The following FRMD3 variants were observed in gnomAD, a reference collection of about 807,000 sequenced individuals.
FRMD3 encodes the protein FERM domain-containing protein 3.
In FRMD3, 33 loss-of-function variants were observed where a neutral mutation model predicts 70.2. The ratio of observed to expected loss-of-function variants is 0.47; its 90% CI spans 0.36 to 0.63. The LOEUF (loss-of-function observed/expected upper bound fraction) is 0.63. Among genes scored for constraint, FRMD3 ranks in the 20% least tolerant of loss-of-function variants. The pLI, the probability that FRMD3 is intolerant of heterozygous loss-of-function variation, is 0.00. For synonymous variants in FRMD3, 279 were observed against 255.9 expected, an observed-to-expected ratio of 1.09 and a Z score of -0.86; for missense variants, 632 against 711.4, an observed-to-expected ratio of 0.89 and a Z score of 1.27.
chr9:83,389,122 A>G (rs139786989), intron 2 of FRMD3, among the ~76,000 whole-genome samples: 3,175 of 151,684 alleles, frequency 0.021, 115 homozygotes, highest in African/African-American at 0.073. Flanking sequence ...TAATTTTTGT[A>G]TTTTTTGTAG....
At chr9:83,453,711 A>AT (rs59376142) in intron 1 of FRMD3, among the ~76,000 whole-genome samples, 2,348 of 115,098 alleles carry the variant, frequency 0.02, 49 homozygotes, top group Admixed American at 0.047. Context: ...GTTTGTTTTA[A>AT]TTTTTTTTTT....
chr9:83,513,242 A>T (rs1054740357), intron 1 of FRMD3, among the ~76,000 whole-genome samples: 1 of 152,212 alleles, frequency 6.6e-6, no homozygotes, highest in Non-Finnish European at 1.5e-5. Flanking sequence ...ACCTCAGTGG[A>T]GTTAGTATTA....
At chr9:83,423,968 C>T (rs1284223049) in intron 1 of FRMD3, among the ~76,000 whole-genome samples, 1 of 152,178 alleles carries the variant, frequency 6.6e-6, no homozygotes, top group African/African-American at 2.4e-5. Context: ...AAATACAGAA[C>T]ATCTCTATCA....
At chr9:83,384,434 G>A (rs1825452909) in intron 2 of FRMD3, among the ~76,000 whole-genome samples, 1 of 152,150 alleles carries the variant, frequency 6.6e-6, no homozygotes, top group Admixed American at 6.5e-5. Context: ...CAATCACTGG[G>A]CCAGCTTTTA....
At chr9:83,327,903 C>T (rs192856360) in intron 6 of FRMD3, among the ~76,000 whole-genome samples, 1 of 152,228 alleles carries the variant, frequency 6.6e-6, no homozygotes, top group African/African-American at 2.4e-5. Flanking sequence ...TCCAATCTTT[C>T]ACTTAGAGAG....
chr9:83,452,052 G>T (rs1323480812), intron 1 of FRMD3, among the ~76,000 whole-genome samples: 1 of 152,156 alleles, frequency 6.6e-6, no homozygotes, highest in Admixed American at 6.5e-5. Context: ...AGACTGGCAG[G>T]CTATCAATCC....
chr9:83,298,946 C>T (rs887635977), intron 11 of FRMD3, 130 bp from the exon 12 acceptor site: 69 of 1,051,072 alleles, frequency 6.6e-5, no homozygotes, highest in African/African-American at 2.1e-4. Flanking sequence ...GGGAAAATTA[C>T]GGTAGAATTT....
chr9:83,318,481 ATG>A (rs36015788), intron 6 of FRMD3, among the ~76,000 whole-genome samples: 15 of 150,912 alleles, frequency 9.9e-5, no homozygotes, highest in East Asian at 3.9e-4. Flanking sequence ...TATATATAAT[ATG>A]TGTGTGTGTG....
chr9:83,402,267 A>G (rs1446231373), intron 1 of FRMD3, among the ~76,000 whole-genome samples: 8 of 144,132 alleles, frequency 5.6e-5, no homozygotes, highest in Non-Finnish European at 1.1e-4. Flanking sequence ...GGAAGACAGA[A>G]TTCCTCCTGA....
chr9:83,440,639 C>T (rs987076472), intron 1 of FRMD3, among the ~76,000 whole-genome samples: 2 of 152,190 alleles, frequency 1.3e-5, no homozygotes, highest in African/African-American at 2.4e-5. Context: ...GGAACACCTA[C>T]GCTATCAAAG....
chr9:83,383,729 A>G (rs1436703573), intron 2 of FRMD3, among the ~76,000 whole-genome samples: 25 of 152,200 alleles, frequency 1.6e-4, no homozygotes, highest in Admixed American at 1.6e-3. Flanking sequence ...TGACTCAAAC[A>G]AGGATAAAAT....
intron 2 of FRMD3, among the ~76,000 whole-genome samples, chr9:83,378,268 TTG>T (rs1183226848): frequency 1.1e-4 from 16 of 142,522 alleles, no homozygotes; most frequent in African/African-American, 3.0e-4. Flanking sequence ...TTTGTTTTTT[TTG>T]TTTTTTTTGA....
At chr9:83,500,467 T>A (rs1829037640) in intron 1 of FRMD3, among the ~76,000 whole-genome samples, 1 of 151,318 alleles carries the variant, frequency 6.6e-6, no homozygotes, top group African/African-American at 2.4e-5. Context: ...ATTTCAGGGC[T>A]ATAAGCCTGC....
rs373003812 is a variant in FRMD3, at chr9:83,465,047, AAGCAGC to A, written c.147+73032_147+73037del. On this transcript the variant is annotated intron_variant, in intron 1 of 13. Transcript: ENST00000304195. ...AAAGAAAAAAAAAAAAAAGAAGAAG[AAGCAGC>A]AGCTTAATGAGATGTCTTTGAGATG... 6.6e-4 allele frequency among the ~76,000 whole-genome samples: 65 copies of A among 98,056 alleles called. 1 individual carries two copies. The highest frequency in any genetic ancestry group is 6.9e-4 in the Non-Finnish European group (29 of 41,766). The allele number at this position is 98,056 out of a possible 152,430, so 64.3% of individuals were successfully genotyped here. A position where few individuals can be genotyped will look rare whatever the true frequency, so the allele number is the denominator to read the frequency against.
Position 83,440,755 on chromosome 9 carries a change from G to A in FRMD3, c.148-51047C>T, listed in dbSNP as rs544648122. ...CAATTTGCCTGACCTCTCTGAATCC[G>A]TTTTCTTATCTATCAGATAGGAATA... On this transcript the variant is annotated intron_variant, in intron 1 of 13. Coordinates refer to ENST00000304195, the MANE Select transcript of FRMD3 (RefSeq NM_174938.6). Among the ~76,000 whole-genome samples, 4 of 152,240 alleles carry A rather than the reference G, an allele frequency of 2.6e-5. No individual in the cohort carries two copies. The South Asian group carries it at 6.2e-4, about 24-fold the overall frequency.
At chr9:83,551,065 G>C in the FRMD3 span, among the ~76,000 whole-genome samples, 1 of 152,056 alleles carries the variant, frequency 6.6e-6, no homozygotes, top group African/African-American at 2.4e-5. Flanking sequence ...GGTTTTCAAG[G>C]GGAATGCTTC....
chr9:83,340,080 C>T lies in FRMD3; in HGVS notation c.472+3110G>A, dbSNP rs117152345. Among the ~76,000 whole-genome samples the T allele has an allele frequency of 2.4e-4, 36 of 152,220 alleles. No individual in the cohort carries two copies. The East Asian group carries it at 6.8e-3, about 29-fold the overall frequency. On this transcript the variant is annotated intron_variant, in intron 5 of 13. Coordinates refer to ENST00000304195, the MANE Select transcript of FRMD3 (RefSeq NM_174938.6). ...ATCAAGCCAGGTGTGGTGGTGCACA[C>T]CTGTAATCCCAGTTACTTGGGAGGC...
intron 1 of FRMD3, among the ~76,000 whole-genome samples, chr9:83,466,704 A>T (rs1380796296): frequency 6.6e-6 from 1 of 152,156 alleles, no homozygotes; most frequent in Admixed American, 6.5e-5. Flanking sequence ...TCATTTCAAA[A>T]CAGACCTCTG....
chr9:83,421,065 C>G lies in FRMD3; in HGVS notation c.148-31357G>C, dbSNP rs1225490630. 3.3e-5 allele frequency among the ~76,000 whole-genome samples: 5 copies of G among 151,018 alleles called. No homozygotes were observed. The South Asian group carries it at 6.3e-4, about 19-fold the overall frequency. ...ACGCCATTCTCCTGCCTCAGCCTCC[C>G]GAGTAGCTGGGACTACAGGCGCCCG... On this transcript the variant is annotated intron_variant, in intron 1 of 13. Coordinates refer to ENST00000304195, the MANE Select transcript of FRMD3 (RefSeq NM_174938.6).
Sources: gnomAD v4.1 joint callset for allele counts (sites outside exome capture counted in the v4.1 genomes callset) on GRCh38, gnomAD v4.1.1 for gene constraint, MANE v1.5 for transcripts, NCBI Gene and HGNC (gene_info 2026-07-23, HGNC 2026-07-21) for gene names.